Variants in COL4A4 observed in about 807,000 individuals in gnomAD.
COL4A4 encodes collagen type IV alpha 4 chain, also known as collagen alpha-4(IV) chain.
A neutral mutation model predicts 192.9 loss-of-function variants in COL4A4; 105 were observed. The observed-to-expected ratio is 0.54, with a 90% CI of 0.46 to 0.64. COL4A4 has a LOEUF of 0.64. Ranked by LOEUF, COL4A4 falls within the 30% of genes least tolerant of loss-of-function variation. The pLI is 0.00. For missense variants in COL4A4, 1,967 were observed against 2,169.3 expected, an observed-to-expected ratio of 0.91 and a Z score of 1.85; for synonymous variants, 762 against 769.9, an observed-to-expected ratio of 0.99 and a Z score of 0.17.
chr2:227,030,380 C>T, intron 41 of COL4A4, 63 bp downstream of exon 41: 2 of 1,555,938 alleles, frequency 1.3e-6, no homozygotes, highest in South Asian at 1.1e-5. Context: ...CACAGTACCC[C>T]AGACCCTCAA....
intron 1 of COL4A4, among the ~76,000 whole-genome samples, chr2:227,161,561 T>C (rs1453631318): frequency 6.6e-6 from 1 of 152,158 alleles, no homozygotes; most frequent in African/African-American, 2.4e-5. Context: ...GTTTGACAGG[T>C]GAGCCTGTCA....
chr2:227,023,208 A>T (rs1056631649), intron 43 of COL4A4, among the ~76,000 whole-genome samples: 1 of 151,774 alleles, frequency 6.6e-6, no homozygotes. Flanking sequence ...TGGGAAGCCG[A>T]GGCGGGTGGA....
intron 44 of COL4A4, among the ~76,000 whole-genome samples, chr2:227,021,561 C>T (rs1966008950): frequency 1.3e-5 from 2 of 152,178 alleles, no homozygotes; most frequent in African/African-American, 2.4e-5. Context: ...TGCAGTGGCT[C>T]ATGCCTGTAA....
chr2:227,010,757 T>G (rs973640017), intron 45 of COL4A4, among the ~76,000 whole-genome samples: 1 of 152,010 alleles, frequency 6.6e-6, no homozygotes, highest in Non-Finnish European at 1.5e-5. Context: ...CAGAGGAAAA[T>G]CCCTGCCCTC....
At chr2:227,087,856 C>T (rs1461444793) in intron 22 of COL4A4, among the ~76,000 whole-genome samples, 1 of 152,238 alleles carries the variant, frequency 6.6e-6, no homozygotes, top group Non-Finnish European at 1.5e-5. Flanking sequence ...CCCTTCCTAA[C>T]CTCCTGCCAG....
At chr2:227,101,644 G>A in intron 16 of COL4A4, 87 bp from the exon 17 acceptor site, 1 of 1,326,356 alleles carries the variant, frequency 7.5e-7, no homozygotes, top group African/African-American at 1.5e-5. Flanking sequence ...GCAACACATT[G>A]CCCACTGAGA....
chr2:226,986,130 A>G, the COL4A4 span, among the ~76,000 whole-genome samples: 2 of 152,226 alleles, frequency 1.3e-5, no homozygotes, highest in Admixed American at 6.5e-5. Context: ...ACCAGACCGA[A>G]TGAAATTCTT....
intron 18 of COL4A4, 102 bp from the exon 19 acceptor site, chr2:227,098,900 G>T: frequency 1.0e-6 from 1 of 964,838 alleles, no homozygotes; most frequent in Non-Finnish European, 1.6e-6. Context: ...ATAATTAGGA[G>T]ACATTTTTGC....
the COL4A4 span, among the ~76,000 whole-genome samples, chr2:226,977,565 C>A: frequency 1.3e-5 from 2 of 152,140 alleles, no homozygotes; most frequent in African/African-American, 4.8e-5. Flanking sequence ...CAATGGTGAA[C>A]CGTGAAACAC....
chr2:227,075,030 A>C (rs2058945062), intron 25 of COL4A4, among the ~76,000 whole-genome samples: 1 of 152,184 alleles, frequency 6.6e-6, no homozygotes, highest in Non-Finnish European at 1.5e-5. Flanking sequence ...CAACCAAAAA[A>C]AGCCCACGAC....
intron 4 of COL4A4, among the ~76,000 whole-genome samples, 184 bp downstream of exon 4, chr2:227,139,977 T>C (rs1253322410): frequency 6.6e-6 from 1 of 152,224 alleles, no homozygotes; most frequent in Non-Finnish European, 1.5e-5. Context: ...CTAGACTATC[T>C]TCTAAGCCTG....
intron 4 of COL4A4, among the ~76,000 whole-genome samples, chr2:227,127,597 G>C (rs2062165706): frequency 1.3e-5 from 2 of 152,186 alleles, no homozygotes; most frequent in African/African-American, 4.8e-5. Flanking sequence ...CAAAAGATAA[G>C]AGGGTATGTA....
intron 20 of COL4A4, among the ~76,000 whole-genome samples, chr2:227,093,145 C>G (rs2060027207): frequency 6.6e-6 from 1 of 152,184 alleles, no homozygotes; most frequent in Non-Finnish European, 1.5e-5. Flanking sequence ...TAAATAACTT[C>G]ACCTTGTCTT....
chr2:227,086,981 G>A (rs1206140676), intron 22 of COL4A4, among the ~76,000 whole-genome samples: 1 of 152,170 alleles, frequency 6.6e-6, no homozygotes, highest in Non-Finnish European at 1.5e-5. Flanking sequence ...CCCTCGGGTT[G>A]GAACCTTATT....
intron 2 of COL4A4, among the ~76,000 whole-genome samples, chr2:227,145,557 G>T (rs920880510): frequency 6.6e-6 from 1 of 152,202 alleles, no homozygotes; most frequent in Non-Finnish European, 1.5e-5. Flanking sequence ...AACAGCTGTG[G>T]TTAGAACTTC....
At chr2:227,156,585 G>T (rs1369022667) in intron 1 of COL4A4, among the ~76,000 whole-genome samples, 3 of 152,032 alleles carry the variant, frequency 2.0e-5, no homozygotes, top group Admixed American at 1.3e-4. Context: ...TTTTCAGTTA[G>T]TTAGAAGGAG....
the COL4A4 span, among the ~76,000 whole-genome samples, chr2:226,978,672 C>T: frequency 6.6e-6 from 1 of 152,168 alleles, no homozygotes; most frequent in African/African-American, 2.4e-5. Context: ...AGTGAGAATG[C>T]ACGCTGTCAA....
Position 227,007,487 on chromosome 2 carries a change from C to T in COL4A4, c.4911G>A (p.Arg1637=). 2 of 1,614,182 alleles carry T rather than the reference C, an allele frequency of 1.2e-6. No individual in the cohort carries two copies. Among genetic ancestry groups the T allele is most frequent in the South Asian group, 2.2e-5 (2 of 91,080 alleles). Residue 1637 remains arginine (R), a synonymous_variant, in exon 48 of 48, where the codon CGG becomes CGA. Transcript: ENST00000396625. ...RAAPFLECQG[R]QGTCHFFANK... is the part of the protein sequence containing the mutation. The stretch of plus-strand genomic sequence containing the variant: ...TTGCGAAAAAGTGGCAAGTTCCCTG[C>T]CGGCCCTGGCATTCAAGGAATGGTG...
At chr2:227,050,953 C>A (rs371066586) in intron 33 of COL4A4, 24 bp downstream of exon 33, 15 of 1,613,874 alleles carry the variant, frequency 9.3e-6, no homozygotes, top group Non-Finnish European at 1.2e-5. Context: ...TTGTCTCTTC[C>A]CCCACAAAGC....
Sources: gnomAD v4.1 joint callset for allele counts (sites outside exome capture counted in the v4.1 genomes callset) on GRCh38, gnomAD v4.1.1 for gene constraint, MANE v1.5 for transcripts, NCBI Gene and HGNC (gene_info 2026-07-23, HGNC 2026-07-21) for gene names.